CACNA2D3: variants seen among roughly 807,000 people sequenced by gnomAD.
The protein encoded by CACNA2D3 is calcium voltage-gated channel auxiliary subunit alpha2delta 3, also known as voltage-dependent calcium channel subunit alpha-2/delta-3.
In CACNA2D3, 60 loss-of-function variants were observed where a neutral mutation model predicts 160.6. The observed-to-expected ratio is 0.37, with a 90% CI of 0.30 to 0.46. CACNA2D3 has a LOEUF of 0.46. Ranked by LOEUF, CACNA2D3 falls within the 20% of genes least tolerant of loss-of-function variation. CACNA2D3 has a pLI of 1.00. For missense variants in CACNA2D3, 1,205 were observed against 1,365.0 expected, an observed-to-expected ratio of 0.88 and a Z score of 1.85; for synonymous variants, 558 against 492.9, an observed-to-expected ratio of 1.13 and a Z score of -1.75.
chr3:54,756,960 G>A (rs910643125), intron 12 of CACNA2D3, among the ~76,000 whole-genome samples: 1 of 152,118 alleles, frequency 6.6e-6, no homozygotes, highest in Non-Finnish European at 1.5e-5. Context: ...ATGAGACAAA[G>A]CAGCAAGCCA....
chr3:54,949,817 T>A (rs1279293761), intron 27 of CACNA2D3, among the ~76,000 whole-genome samples: 1 of 152,216 alleles, frequency 6.6e-6, no homozygotes, highest in Admixed American at 6.5e-5. Context: ...TTGCCTGTGA[T>A]TCTTTCTGAA....
chr3:54,122,744 TC>T lies in CACNA2D3; in HGVS notation c.34del (p.Arg12GlyfsTer31). 2 of 1,217,190 alleles carry T rather than the reference TC, an allele frequency of 1.6e-6. No homozygotes were observed. The highest frequency in any genetic ancestry group is 2.0e-6 in the Non-Finnish European group (2 of 976,906). 75.4% of individuals were successfully genotyped at this position (1,217,190 alleles called of 1,614,324 possible). A position where few individuals can be genotyped will look rare whatever the true frequency, so the allele number is the denominator to read the frequency against. MAGPGSPRRA[S>X]RGASALLAAA... ...CGGGCCGGGCTCGCCGCGCCGCGCG[TC>T]CCGGGGGGCCTCGGCGCTTCTCGCT... On this transcript the variant is annotated frameshift_variant, in exon 1 of 38. Coordinates refer to ENST00000474759, the MANE Select transcript of CACNA2D3 (RefSeq NM_018398.3). LOFTEE classifies it high-confidence loss of function.
At chr3:54,783,158 C>G (rs750225241) in intron 13 of CACNA2D3, among the ~76,000 whole-genome samples, 1 of 152,080 alleles carries the variant, frequency 6.6e-6, no homozygotes, top group Non-Finnish European at 1.5e-5. Flanking sequence ...CTCCTGCATA[C>G]GTGTGTGTCC....
intron 9 of CACNA2D3, among the ~76,000 whole-genome samples, chr3:54,595,937 A>G (rs148035222): frequency 6.6e-6 from 1 of 152,106 alleles, no homozygotes; most frequent in Non-Finnish European, 1.5e-5. Flanking sequence ...CATTTACTCT[A>G]TATAGGGCCC....
chr3:54,854,808 G>A (rs1699131154), intron 17 of CACNA2D3, among the ~76,000 whole-genome samples: 1 of 152,120 alleles, frequency 6.6e-6, no homozygotes. Flanking sequence ...GATATTCCCT[G>A]ATGCTTAGGC....
Position 54,177,127 on chromosome 3 carries a change from G to A in CACNA2D3, c.204+53533G>A, listed in dbSNP as rs149118756. 8.9e-3 allele frequency among the ~76,000 whole-genome samples: 1,354 copies of A among 152,238 alleles called. 17 individuals are homozygous for A. The highest frequency in any genetic ancestry group is 0.02 in the Middle Eastern group (6 of 294). The stretch of plus-strand genomic sequence containing the variant: ...TTAACATGATGCCAAGGAAAAGGTT[G>A]GTAAATCCATTGTATCTGCTCCACA... On this transcript the variant is annotated intron_variant, in intron 2 of 37. Coordinates refer to ENST00000474759, the MANE Select transcript of CACNA2D3 (RefSeq NM_018398.3).
chr3:54,911,589 A>G (rs1271381311), intron 27 of CACNA2D3, among the ~76,000 whole-genome samples: 2 of 151,864 alleles, frequency 1.3e-5, no homozygotes, highest in African/African-American at 4.8e-5. Flanking sequence ...TCAGTTATGT[A>G]CAGAGTCTGA....
chr3:54,466,598 G>C (rs1410612220), intron 4 of CACNA2D3, among the ~76,000 whole-genome samples: 1 of 151,972 alleles, frequency 6.6e-6, no homozygotes, highest in Non-Finnish European at 1.5e-5. Flanking sequence ...TCAGGGGCCT[G>C]GGCAACAAAG....
In CACNA2D3 at chr3:54,833,959, C is replaced by T. The variant is rs373388049; in HGVS notation, c.1399-3200C>T. Among the ~76,000 whole-genome samples, 44 of 152,252 alleles carry T rather than the reference C, an allele frequency of 2.9e-4. 1 individual carries two copies. The South Asian group carries it at 8.3e-3, about 29-fold the overall frequency. On this transcript the variant is annotated intron_variant, in intron 14 of 37. Coordinates refer to ENST00000474759, the MANE Select transcript of CACNA2D3 (RefSeq NM_018398.3). ...CATTGGCCCACATGTGAACTGTTGC[C>T]AGACTGAACTGAATGCATTTCCTTT...
chr3:54,390,730 G>A (rs1163085093), intron 4 of CACNA2D3, among the ~76,000 whole-genome samples: 1 of 152,154 alleles, frequency 6.6e-6, no homozygotes, highest in Non-Finnish European at 1.5e-5. Flanking sequence ...ATGCTATTAA[G>A]TGCAAGTATA....
At chr3:54,679,018 G>A (rs1246198717) in intron 11 of CACNA2D3, among the ~76,000 whole-genome samples, 1 of 152,110 alleles carries the variant, frequency 6.6e-6, no homozygotes, top group Non-Finnish European at 1.5e-5. Context: ...CTAACATTTG[G>A]TCAGCCAAGA....
chr3:54,173,052 G>A (rs909276170), intron 2 of CACNA2D3, among the ~76,000 whole-genome samples: 2 of 152,192 alleles, frequency 1.3e-5, no homozygotes, highest in Non-Finnish European at 2.9e-5. Context: ...ACTAAGGGAT[G>A]GGGGCATTTA....
chr3:54,211,936 A>G (rs1469713401), intron 2 of CACNA2D3, among the ~76,000 whole-genome samples: 1 of 152,156 alleles, frequency 6.6e-6, no homozygotes, highest in Non-Finnish European at 1.5e-5. Context: ...CAAAGGCAAA[A>G]TTGAAATAAT....
intron 3 of CACNA2D3, among the ~76,000 whole-genome samples, chr3:54,383,506 T>C (rs972373402): frequency 3.9e-5 from 6 of 152,244 alleles, no homozygotes; most frequent in Non-Finnish European, 8.8e-5. Flanking sequence ...TTGTCATTTC[T>C]TGAATCATGT....
At chr3:54,697,236 C>T (rs1700681597) in intron 11 of CACNA2D3, among the ~76,000 whole-genome samples, 1 of 152,144 alleles carries the variant, frequency 6.6e-6, no homozygotes, top group Admixed American at 6.5e-5. Flanking sequence ...TGCGATTGCA[C>T]CACTGTACTC....
At chr3:54,842,701 A>G (rs1436806001) in intron 16 of CACNA2D3, among the ~76,000 whole-genome samples, 1 of 151,396 alleles carries the variant, frequency 6.6e-6, no homozygotes, top group Non-Finnish European at 1.5e-5. Flanking sequence ...TCCAGGTTCA[A>G]GCAATTCTCC....
At position 54,879,380 on chromosome 3, in the gene CACNA2D3, T is replaced by G. The variant is rs1468387081; in HGVS notation, c.1813T>G (p.Tyr605Asp). 1.2e-6 allele frequency: 2 copies of G among 1,609,732 alleles called. No homozygotes were observed. The change falls in exon 20 of 38, where the codon TAT becomes GAT. Residue 605 changes from tyrosine to aspartate, a missense_variant. Physicochemically the swap from Tyr to Asp is radical, Grantham distance 160. Around this residue, in one of 3 missense-constraint regions of CACNA2D3, gnomAD observed 911 missense variants for 1,002.2 expected, o/e 0.91. Transcript: ENST00000474759. ...KRVLVMTNDY[Y>D]YTDIKGTPFS... ...GGTTTTGGTGATGACAAATGACTAC[T>G]ATTATACAGACATCAAGGGTACTCC...
chr3:54,124,524 A>C (rs1699548033), intron 2 of CACNA2D3, among the ~76,000 whole-genome samples: 1 of 152,192 alleles, frequency 6.6e-6, no homozygotes, highest in South Asian at 2.1e-4. Context: ...TAAATTGTTA[A>C]GTTAACTTTT....
intron 13 of CACNA2D3, among the ~76,000 whole-genome samples, chr3:54,796,541 A>T (rs1283262132): frequency 6.6e-6 from 1 of 152,220 alleles, no homozygotes; most frequent in East Asian, 1.9e-4. Context: ...CCAAGGTAAA[A>T]ACAATATGTA....
Sources: gnomAD v4.1 joint callset for allele counts (sites outside exome capture counted in the v4.1 genomes callset) on GRCh38, gnomAD v4.1.1 for gene constraint, gnomAD v4.1.1 regional missense constraint, MANE v1.5 for transcripts, NCBI Gene and HGNC (gene_info 2026-07-23, HGNC 2026-07-21) for gene names.